The following KIZ variants were observed in gnomAD, a reference collection of about 807,000 sequenced individuals.
KIZ encodes the protein centrosomal protein kizuna.
A neutral mutation model predicts 79.6 loss-of-function variants in KIZ; 68 were observed. That is an observed-to-expected ratio of 0.85 (90% confidence interval 0.70 to 1.05). The LOEUF is 1.05. Ranked by LOEUF, KIZ falls within the 50% of genes least tolerant of loss-of-function variation. The pLI is 0.00. For synonymous variants in KIZ, 280 were observed against 281.8 expected, an observed-to-expected ratio of 0.99 and a Z score of 0.06; for missense variants, 797 against 800.4, an observed-to-expected ratio of 1.00 and a Z score of 0.05.
chr20:21,183,088 G>T (rs1600476963), intron 6 of KIZ, among the ~76,000 whole-genome samples: 1 of 152,166 alleles, frequency 6.6e-6, no homozygotes, highest in Non-Finnish European at 1.5e-5. Context: ...GCAACTGCAC[G>T]ATTGCTAAAT....
intron 6 of KIZ, among the ~76,000 whole-genome samples, chr20:21,168,103 A>G (rs1282851331): frequency 6.6e-6 from 1 of 151,902 alleles, no homozygotes; most frequent in East Asian, 1.9e-4. Flanking sequence ...CCGGTGTGTG[A>G]TGCTCCCCTT....
chr20:21,207,997 G>T (rs528943687), intron 7 of KIZ, among the ~76,000 whole-genome samples: 18 of 152,264 alleles, frequency 1.2e-4, no homozygotes, highest in African/African-American at 4.3e-4. Context: ...TTGCAGATAT[G>T]AGCCACCACG....
At chr20:21,233,180 A>T (rs552887674) in intron 11 of KIZ, among the ~76,000 whole-genome samples, 1 of 152,222 alleles carries the variant, frequency 6.6e-6, no homozygotes, top group Non-Finnish European at 1.5e-5. Context: ...AAAAGAAATA[A>T]AGTGGCATGT....
intron 4 of KIZ, among the ~76,000 whole-genome samples, chr20:21,155,305 G>T (rs2033324027): frequency 1.3e-5 from 2 of 151,974 alleles, no homozygotes; most frequent in Admixed American, 1.3e-4. Context: ...ACAAACTACA[G>T]TATATCCTTA....
chr20:21,227,837 A>T (rs1333057609), intron 9 of KIZ, among the ~76,000 whole-genome samples: 1 of 152,222 alleles, frequency 6.6e-6, no homozygotes, highest in Non-Finnish European at 1.5e-5. Flanking sequence ...TTTCTTTATC[A>T]GATTTTTCAA....
chr20:21,191,178 G>C (rs1024832427), intron 6 of KIZ, among the ~76,000 whole-genome samples: 4 of 152,210 alleles, frequency 2.6e-5, no homozygotes, highest in Non-Finnish European at 5.9e-5. Flanking sequence ...TCAACAAATA[G>C]TTACTAGGTA....
At chr20:21,132,533 T>C (rs951334557) in intron 2 of KIZ, among the ~76,000 whole-genome samples, 1 of 151,768 alleles carries the variant, frequency 6.6e-6, no homozygotes, top group Non-Finnish European at 1.5e-5. Flanking sequence ...CCCACGCTTC[T>C]GTCTCCCAAA....
intron 4 of KIZ, chr20:21,148,981 T>G (rs1473414409): frequency 6.6e-6 from 1 of 152,192 alleles, no homozygotes; most frequent in African/African-American, 2.4e-5. Context: ...TAACAATGGG[T>G]AATAATCACT....
chr20:21,167,532 A>T (rs1325593657), intron 6 of KIZ, among the ~76,000 whole-genome samples: 3 of 147,830 alleles, frequency 2.0e-5, no homozygotes, highest in Non-Finnish European at 4.5e-5. Flanking sequence ...GCAGTTTCTC[A>T]TGCTAGTGGG....
At chr20:21,127,962 A>C (rs150770166) in intron 1 of KIZ, among the ~76,000 whole-genome samples, 61 of 152,358 alleles carry the variant, frequency 4.0e-4, no homozygotes, top group African/African-American at 1.5e-3. Flanking sequence ...GCAATGTGTA[A>C]AGAATATTAT....
rs763100442 is a variant in KIZ at position 21,162,240 on chromosome 20, C to A, written c.775C>A (p.Arg259Ser). The change falls in exon 5 of 13, where the codon CGT becomes AGT. Residue 259 changes from arginine to serine, a missense_variant. By Grantham distance (110) the Arg-to-Ser change is moderately radical. Coordinates refer to ENST00000619189, the MANE Select transcript of KIZ (RefSeq NM_018474.6). ...THCLEIGSNT[R>S]HGKSNLSEGK... Reference sequence around the variant, plus strand: ...TTGCTTGGAGATAGGAAGTAACACACGTCATGGCAAGAGTAATTTATCTGA... The same window carrying A: ...TTGCTTGGAGATAGGAAGTAACACAAGTCATGGCAAGAGTAATTTATCTGA... 1.9e-6 allele frequency: 3 copies of A among 1,613,902 alleles called. No individual in the cohort carries two copies. The highest frequency in any genetic ancestry group is 1.7e-5 in the Admixed American group (1 of 60,022).
chr20:21,146,730 A>G (rs973937228), intron 4 of KIZ, among the ~76,000 whole-genome samples: 1 of 152,206 alleles, frequency 6.6e-6, no homozygotes, highest in East Asian at 1.9e-4. Context: ...TTGTTTTTAT[A>G]GTAGGAGGAA....
At chr20:21,166,202 A>G (rs1456829229) in intron 6 of KIZ, 5 of 1,472,820 alleles carry the variant, frequency 3.4e-6, no homozygotes, top group Non-Finnish European at 3.7e-6. Flanking sequence ...TATGTATTAC[A>G]TCCCTAGAAA....
intron 7 of KIZ, among the ~76,000 whole-genome samples, chr20:21,206,100 A>G (rs768340917): frequency 1.3e-5 from 2 of 152,222 alleles, no homozygotes; most frequent in Admixed American, 6.5e-5. Flanking sequence ...ATAATGTTTT[A>G]TGTAGGAATT....
At chr20:21,205,311 C>CA (rs1278543749) in intron 6 of KIZ, among the ~76,000 whole-genome samples, 180 bp from the exon 7 acceptor site, 1 of 152,044 alleles carries the variant, frequency 6.6e-6, no homozygotes, top group East Asian at 1.9e-4. Flanking sequence ...ATGAAATAAC[C>CA]AAAGTTTTTA....
At position 21,138,108 on chromosome 20, in the gene KIZ, C is replaced by G. The variant is rs901318647; in HGVS notation, c.315+1556C>G. Among the ~76,000 whole-genome samples the G allele has an allele frequency of 6.6e-5, 10 of 152,306 alleles. No individual in the cohort carries two copies. The South Asian group carries it at 2.1e-3, about 32-fold the overall frequency. ...TTTTCAGCTCGTATTCAGATTTCCC[C>G]ACTTCTCCCAAAAAGTAACTTATTT... is the stretch of plus-strand genomic sequence containing the variant. On this transcript the variant is annotated intron_variant, in intron 3 of 12. Coordinates refer to ENST00000619189, the MANE Select transcript of KIZ (RefSeq NM_018474.6).
intron 6 of KIZ, among the ~76,000 whole-genome samples, chr20:21,189,564 G>A (rs561833175): frequency 6.6e-6 from 1 of 152,292 alleles, no homozygotes; most frequent in East Asian, 1.9e-4. Flanking sequence ...ATATGGGAGA[G>A]GGTTCGTTCT....
At chr20:21,166,239 G>A in intron 6 of KIZ, 1 of 1,588,662 alleles carries the variant, frequency 6.3e-7, no homozygotes, top group South Asian at 1.1e-5. Flanking sequence ...TCCCTCCTGT[G>A]TGTTTTCGTC....
chr20:21,130,023 G>T (rs922525829), intron 1 of KIZ, among the ~76,000 whole-genome samples: 2 of 152,148 alleles, frequency 1.3e-5, no homozygotes, highest in African/African-American at 4.8e-5. Flanking sequence ...TCTTGTACAT[G>T]ATCACACCAT....
Sources: gnomAD v4.1 joint callset for allele counts (sites outside exome capture counted in the v4.1 genomes callset) on GRCh38, gnomAD v4.1.1 for gene constraint, MANE v1.5 for transcripts, NCBI Gene and HGNC (gene_info 2026-07-23, HGNC 2026-07-21) for gene names.